The following DCLRE1A variants were observed in gnomAD, a reference collection of about 807,000 sequenced individuals.
DCLRE1A encodes the protein DNA cross-link repair 1A protein.
In DCLRE1A, 64 loss-of-function variants were observed where a neutral mutation model predicts 91.9. That is an observed-to-expected ratio of 0.70 (90% CI 0.57 to 0.86). The LOEUF is 0.86. Ranked by LOEUF, DCLRE1A falls within the 40% of genes least tolerant of loss-of-function variation. DCLRE1A has a pLI of 0.00. For missense variants in DCLRE1A, 1,145 were observed against 1,213.3 expected (o/e 0.94, Z 0.84); for synonymous variants, 416 against 431.1 (o/e 0.96, Z 0.43).
intron 1 of DCLRE1A, among the ~76,000 whole-genome samples, chr10:113,851,821 GCT>G: frequency 6.6e-6 from 1 of 151,866 alleles, no homozygotes; most frequent in Non-Finnish European, 1.5e-5. Context: ...GACCTCTTGG[GCT>G]CAGGTGATCC....
chr10:113,837,156 A>G lies in DCLRE1A; in HGVS notation c.2868T>C (p.Ile956=), dbSNP rs200604886. Residue 956 remains isoleucine, a synonymous_variant, in exon 8 of 9, where the codon ATT becomes ATC. Coordinates refer to ENST00000361384, the MANE Select transcript of DCLRE1A (RefSeq NM_014881.5). ...LKKCGGKYNQ[I]LAFRPTGWTH... ...TCCATCCTGTAGGTCGAAATGCCAA[A>G]ATCTGATTGTATTTCCCACCACACT... is the stretch of plus-strand genomic sequence containing the variant. 4.3e-5 allele frequency: 69 copies of G among 1,613,326 alleles called. No individual in the cohort carries two copies. Among genetic ancestry groups the G allele is most frequent in the Non-Finnish European group, 5.1e-6 (6 of 1,179,768 alleles).
intron 2 of DCLRE1A, among the ~76,000 whole-genome samples, chr10:113,848,141 G>A (rs886107463): frequency 5.9e-5 from 9 of 152,008 alleles, no homozygotes; most frequent in Admixed American, 3.3e-4. Flanking sequence ...GTGAAACCCC[G>A]TCTCTACTAA....
intron 8 of DCLRE1A, 49 bp downstream of exon 8, chr10:113,837,013 A>T: frequency 6.9e-7 from 1 of 1,452,444 alleles, no homozygotes; most frequent in Non-Finnish European, 9.2e-7. Context: ...TTTAAAATGT[A>T]ATTATAAACA....
Position 113,852,703 on chromosome 10 carries a change from T to A in DCLRE1A, c.460+20A>T. ...ACTTTTTAGATTATTTAGAAACTAC[T>A]ACGTTTTCTGCAGTCTTACCTGTTT... is the stretch of plus-strand genomic sequence containing the variant. On this transcript the variant is annotated intron_variant, in intron 1 of 8. Transcript: ENST00000361384. 6.3e-7 allele frequency: 1 copy of A among 1,594,056 alleles called. No homozygotes were observed. The highest frequency in any genetic ancestry group is 8.5e-7 in the Non-Finnish European group (1 of 1,171,414).
In DCLRE1A at chr10:113,845,076, T is replaced by A. The variant is rs1336154269; in HGVS notation, c.2378+609A>T. Among the ~76,000 whole-genome samples, 3 of 152,270 alleles carry A rather than the reference T, an allele frequency of 2.0e-5. No individual in the cohort carries two copies. In the East Asian group the frequency reaches 5.8e-4, roughly 29 times the overall value. On this transcript the variant is annotated intron_variant, in intron 4 of 8. Coordinates refer to ENST00000361384, the MANE Select transcript of DCLRE1A (RefSeq NM_014881.5). ...TAACCTAGATTTAGTCTTCTTTCTC[T>A]TCATCTATGACCTCTATGTTACAGT...
chr10:113,852,773 G>GGT lies in DCLRE1A; in HGVS notation c.408_409dup (p.Pro137HisfsTer42). 6.2e-7 allele frequency: 1 copy of GGT among 1,614,172 alleles called. No homozygotes were observed. The highest frequency in any genetic ancestry group is 1.1e-5 in the South Asian group (1 of 91,080). On this transcript the variant is annotated frameshift_variant, in exon 1 of 9. Coordinates refer to ENST00000361384, the MANE Select transcript of DCLRE1A (RefSeq NM_014881.5). LOFTEE classifies it high-confidence loss of function. ...CAAACATTCAAAAACATGCCATCGAGGTGTCTGCCCTATCAATGAGGAAAA... is the reference window on the plus strand; with the variant it reads ...CAAACATTCAAAAACATGCCATCGAGGTGTGTCTGCCCTATCAATGAGGAAAA...
Position 113,844,234 on chromosome 10 carries a change from C to T in DCLRE1A, c.2389G>A (p.Ala797Thr), listed in dbSNP as rs1845494584. 6.2e-7 allele frequency: 1 copy of T among 1,613,986 alleles called. No individual in the cohort carries two copies. ...GGAAGATAAAAGAGGATCATGACAG[C>T]ACCTGGACAGCTGAACACAAATGTC... ...VLLDANHCPGAVMILFYLPNG... is the reference protein window; with the variant it reads ...VLLDANHCPGTVMILFYLPNG... The change falls in exon 5 of 9, where the codon GCT becomes ACT. Residue 797 changes from alanine to threonine, a missense_variant. Physicochemically the swap from Ala to Thr is moderately conservative, Grantham distance 58. Coordinates refer to ENST00000361384, the MANE Select transcript of DCLRE1A (RefSeq NM_014881.5).
chr10:113,841,595 T>C (rs1845446927), intron 6 of DCLRE1A, 35 bp from the exon 7 acceptor site: 1 of 1,554,558 alleles, frequency 6.4e-7, no homozygotes, highest in African/African-American at 1.4e-5. Flanking sequence ...AATAGTAAAC[T>C]TACAGCTTGT....
chr10:113,844,238 T>C lies in DCLRE1A; in HGVS notation c.2385A>G (p.Pro795=), dbSNP rs1248828418. 2 of 1,613,796 alleles carry C rather than the reference T, an allele frequency of 1.2e-6. No homozygotes were observed. The highest frequency in any genetic ancestry group is 1.3e-5 in the African/African-American group (1 of 74,912). ...GATAAAAGAGGATCATGACAGCACC[T>C]GGACAGCTGAACACAAATGTCAAAG... ...KVVLLDANHC[P]GAVMILFYLP... Residue 795 remains proline, a synonymous_variant, in exon 5 of 9, where the codon CCA becomes CCG. Transcript: ENST00000361384.
chr10:113,837,291 G>C, intron 7 of DCLRE1A, 88 bp from the exon 8 acceptor site: 1 of 1,249,542 alleles, frequency 8.0e-7, no homozygotes, highest in Non-Finnish European at 1.1e-6. Flanking sequence ...ACTGGCACAG[G>C]CATGGGGAGT....
rs1845685031 is a variant in DCLRE1A at position 113,853,019 on chromosome 10, G to C, written c.164C>G (p.Ala55Gly). ...SKRSRNRKRA[A>G]EAKEVKDHEV... is the part of the protein sequence containing the mutation. ...ATGGTCCTTCACCTCTTTAGCTTCT[G>C]CGGCTCTTTTTCTGTTTCTACTCCG... The change falls in exon 1 of 9, where the codon GCA becomes GGA. Residue 55 changes from alanine (A) to glycine (G), a missense_variant. Transcript: ENST00000361384. 4 of 1,613,900 alleles carry C rather than the reference G, an allele frequency of 2.5e-6. No individual in the cohort carries two copies. The East Asian group carries it at 6.7e-5, about 27-fold the overall frequency.
intron 7 of DCLRE1A, among the ~76,000 whole-genome samples, chr10:113,838,364 C>G (rs1845394496): frequency 6.6e-6 from 1 of 152,182 alleles, no homozygotes; most frequent in Non-Finnish European, 1.5e-5. Context: ...TTTCAATACA[C>G]ATCATCAAAC....
chr10:113,853,417 A>C lies in DCLRE1A; in HGVS notation c.-235T>G. ...TTATACCACAATGAAACTAAGATAA[A>C]CCTATCACAGGAGTAGCAACTGTGA... is the stretch of plus-strand genomic sequence containing the variant. On this transcript the variant is annotated 5_prime_UTR_variant, in exon 1 of 9. Transcript: ENST00000361384. 2.4e-6 allele frequency: 1 copy of C among 419,942 alleles called. No homozygotes were observed. Among genetic ancestry groups the C allele is most frequent in the Non-Finnish European group, 4.2e-6 (1 of 238,528 alleles). The allele number at this position is 419,942 out of a possible 1,614,324, so 26.0% of individuals were successfully genotyped here. A position where few individuals can be genotyped will look rare whatever the true frequency, so the allele number is the denominator to read the frequency against.
chr10:113,839,828 G>GA (rs1235621513), intron 7 of DCLRE1A, among the ~76,000 whole-genome samples: 1 of 152,044 alleles, frequency 6.6e-6, no homozygotes, highest in Non-Finnish European at 1.5e-5. Context: ...TTTTCACAAA[G>GA]AACTTGTGTT....
chr10:113,847,001 A>G (rs993022445), intron 3 of DCLRE1A, among the ~76,000 whole-genome samples: 2 of 152,176 alleles, frequency 1.3e-5, no homozygotes, highest in Non-Finnish European at 2.9e-5. Flanking sequence ...TTTTGTTTCC[A>G]TGTAATAAGA....
At chr10:113,844,671 C>T (rs1320455764) in intron 4 of DCLRE1A, among the ~76,000 whole-genome samples, 2 of 152,230 alleles carry the variant, frequency 1.3e-5, no homozygotes, top group African/African-American at 4.8e-5. Flanking sequence ...CATGGTGGCT[C>T]ACGCCTGTAA....
At chr10:113,852,700 T>TG (rs1328664472) in intron 1 of DCLRE1A, 23 bp downstream of exon 1, 2 of 1,590,052 alleles carry the variant, frequency 1.3e-6, no homozygotes, top group East Asian at 4.5e-5. Context: ...ATTTAGAAAC[T>TG]ACTACGTTTT....
chr10:113,848,875 T>C (rs1482295166), intron 2 of DCLRE1A, 105 bp downstream of exon 2: 8 of 1,058,560 alleles, frequency 7.6e-6, no homozygotes, highest in Non-Finnish European at 1.1e-5. Context: ...AGGAAACACA[T>C]ACAAAAAATT....
At position 113,839,066 on chromosome 10, in the gene DCLRE1A, A is replaced by C. The variant is rs529490997; in HGVS notation, c.2821-1863T>G. On this transcript the variant is annotated intron_variant, in intron 7 of 8. Coordinates refer to ENST00000361384, the MANE Select transcript of DCLRE1A (RefSeq NM_014881.5). ...CGAGGCCGGGCGTGGTGGCTCACGC[A>C]TGTATTCCCAGCACTTTGGGAGGCC... is the stretch of plus-strand genomic sequence containing the variant. Among the ~76,000 whole-genome samples, 10 of 152,196 alleles carry C rather than the reference A, an allele frequency of 6.6e-5. No homozygotes were observed. In the East Asian group the frequency reaches 7.7e-4, roughly 12 times the overall value.
Sources: allele counts gnomAD v4.1 joint callset (sites outside exome capture counted in the v4.1 genomes callset), GRCh38; gene constraint gnomAD v4.1.1; transcripts MANE v1.5; gene names NCBI Gene and HGNC (gene_info 2026-07-23, HGNC 2026-07-21).